Variants in MLC1 observed in about 807,000 individuals in gnomAD.
MLC1 encodes modulator of VRAC current 1, also known as membrane protein MLC1.
MLC1 carries 32 observed loss-of-function variants against 44.7 expected under a neutral mutation model. The ratio of observed to expected loss-of-function variants is 0.72; its 90% CI spans 0.54 to 0.96. The LOEUF (loss-of-function observed/expected upper bound fraction) is 0.96. Ranked by LOEUF, MLC1 falls within the 40% of genes least tolerant of loss-of-function variation. The pLI, the probability that MLC1 is intolerant of heterozygous loss-of-function variation, is 0.00. For missense variants in MLC1, 459 were observed against 492.2 expected, an observed-to-expected ratio of 0.93 and a Z score of 0.64; for synonymous variants, 190 against 213.0, an observed-to-expected ratio of 0.89 and a Z score of 0.94.
chr22:50,077,005 C>T (rs2061999976), intron 6 of MLC1, 93 bp from the exon 7 acceptor site: 5 of 1,385,544 alleles, frequency 3.6e-6, no homozygotes, highest in African/African-American at 1.4e-5. Flanking sequence ...TGGGTCAGGT[C>T]AGCCTGCCGT....
chr22:50,076,094 CAA>C (rs2061973773), intron 7 of MLC1, among the ~76,000 whole-genome samples: 2 of 152,024 alleles, frequency 1.3e-5, no homozygotes, highest in Non-Finnish European at 2.9e-5. Context: ...ATGGAAAACT[CAA>C]AAGATGGTAA....
In MLC1 at chr22:50,074,341, G is replaced by T; in HGVS notation, c.598-9C>A. 1.2e-6 allele frequency: 2 copies of T among 1,606,300 alleles called. No homozygotes were observed. The highest frequency in any genetic ancestry group is 2.2e-5 in the South Asian group (2 of 90,924). On this transcript the variant is annotated splice_polypyrimidine_tract_variant and intron_variant, in intron 7 of 11. Coordinates refer to ENST00000311597, the MANE Select transcript of MLC1 (RefSeq NM_015166.4). ...GCGATTACCTCGACGACCTGGAGGG[G>T]ACAGGACAGCATCGGCTCATAAGGA...
rs188855026 is a variant in MLC1 at position 50,059,894 on chromosome 22, A to C, written c.*1689T>G. On this transcript the variant is annotated 3_prime_UTR_variant, in exon 12 of 12. Coordinates refer to ENST00000311597, the MANE Select transcript of MLC1 (RefSeq NM_015166.4). The stretch of plus-strand genomic sequence containing the variant: ...CCTGCATCCCCCTTCAATGGTTGAA[A>C]ATAATGATTCCACTTGTCATGAACA... The C allele has an allele frequency of 3.7e-3, 559 of 152,442 alleles. 2 individuals are homozygous for C. The highest frequency in any genetic ancestry group is 0.012 in the African/African-American group (501 of 41,596). The allele number at this position is 152,442 out of a possible 1,614,324, so 9.4% of individuals were successfully genotyped here.
Position 50,061,331 on chromosome 22 carries a change from C to A in MLC1, c.*252G>T. 1 of 549,616 alleles carries A rather than the reference C, an allele frequency of 1.8e-6. No individual in the cohort carries two copies. Among genetic ancestry groups the A allele is most frequent in the Non-Finnish European group, 3.3e-6 (1 of 304,080 alleles). 34.0% of individuals were successfully genotyped at this position (549,616 alleles called of 1,614,324 possible). ...GGCCCTTCCTCGGCCTGGGAAGTTGCGGCCATGCTCCTGCTGTTACGACAC... is the reference window on the plus strand; with the variant it reads ...GGCCCTTCCTCGGCCTGGGAAGTTGAGGCCATGCTCCTGCTGTTACGACAC... On this transcript the variant is annotated 3_prime_UTR_variant, in exon 12 of 12. Transcript: ENST00000311597.
chr22:50,077,905 G>T (rs2062023468), intron 5 of MLC1, among the ~76,000 whole-genome samples: 1 of 152,098 alleles, frequency 6.6e-6, no homozygotes. Context: ...TGCAGGCCCT[G>T]ACCGTATTGG....
At chr22:50,063,898 C>G in intron 11 of MLC1, 136 bp downstream of exon 11, 1 of 1,011,656 alleles carries the variant, frequency 9.9e-7, no homozygotes, top group Non-Finnish European at 1.4e-6. Flanking sequence ...GGCCACTCAC[C>G]TCCCCGGCTG....
intron 8 of MLC1, among the ~76,000 whole-genome samples, chr22:50,071,153 G>A (rs1321219307): frequency 6.6e-6 from 1 of 151,112 alleles, no homozygotes; most frequent in Non-Finnish European, 1.5e-5. Context: ...CTGTCACCCA[G>A]GCTGGAGTAC....
chr22:50,076,795 C>T (rs1602034688), intron 7 of MLC1, 46 bp downstream of exon 7: 4 of 1,591,078 alleles, frequency 2.5e-6, no homozygotes, highest in Non-Finnish European at 3.5e-6. Context: ...CTCAGTCACC[C>T]CCGACAGAGT....
chr22:50,073,243 A>T (rs1222534592), intron 8 of MLC1, among the ~76,000 whole-genome samples: 1 of 152,250 alleles, frequency 6.6e-6, no homozygotes, highest in Non-Finnish European at 1.5e-5. Flanking sequence ...ATTCCTGCTC[A>T]TGTACATAAG....
chr22:50,075,726 A>T (rs1297300689), intron 7 of MLC1, among the ~76,000 whole-genome samples: 1 of 152,034 alleles, frequency 6.6e-6, no homozygotes, highest in East Asian at 1.9e-4. Flanking sequence ...AGGAAAAAAA[A>T]AAAAGAAGCA....
At position 50,073,726 on chromosome 22, in the gene MLC1, A is replaced by G. The variant is rs569187612; in HGVS notation, c.714+490T>C. 5.9e-5 allele frequency among the ~76,000 whole-genome samples: 9 copies of G among 152,026 alleles called. No individual in the cohort carries two copies. In the East Asian group the frequency reaches 1.7e-3, roughly 29 times the overall value. On this transcript the variant is annotated intron_variant, in intron 8 of 11. Coordinates refer to ENST00000311597, the MANE Select transcript of MLC1 (RefSeq NM_015166.4). The stretch of plus-strand genomic sequence containing the variant: ...ACTCCAGCCTGGGTGGCAGAGTGAG[A>G]CTCCATCTCAAAAAAATAAATAAAT...
chr22:50,064,258 A>C (rs2061656742), intron 10 of MLC1, 60 bp from the exon 11 acceptor site: 2 of 1,542,278 alleles, frequency 1.3e-6, no homozygotes, highest in Non-Finnish European at 1.7e-6. Flanking sequence ...CAGGAGACCA[A>C]AGCTCCCTCG....
intron 5 of MLC1, 61 bp downstream of exon 5, chr22:50,079,857 A>T (rs2062074299): frequency 8.4e-7 from 1 of 1,195,008 alleles, no homozygotes. Context: ...ATTTGCTGAC[A>T]CCATTCGTGG....
At chr22:50,065,500 T>A (rs2061683332) in intron 10 of MLC1, among the ~76,000 whole-genome samples, 1 of 152,182 alleles carries the variant, frequency 6.6e-6, no homozygotes, top group African/African-American at 2.4e-5. Flanking sequence ...ACCATTTGTA[T>A]CCTCCATCAC....
At position 50,066,224 on chromosome 22, in the gene MLC1, C is replaced by T. The variant is rs547955848; in HGVS notation, c.895-2026G>A. On this transcript the variant is annotated intron_variant, in intron 10 of 11. Coordinates refer to ENST00000311597, the MANE Select transcript of MLC1 (RefSeq NM_015166.4). ...TTAAAAAGCGAGGTACATGGCTGGG[C>T]ACAGTGGCTCACGTCTGTAATCCCA... is the stretch of plus-strand genomic sequence containing the variant. Among the ~76,000 whole-genome samples the T allele has an allele frequency of 2.5e-3, 366 of 146,244 alleles. 1 individual carries two copies. Among genetic ancestry groups the T allele is most frequent in the African/African-American group, 9.2e-3 (355 of 38,776 alleles).
chr22:50,080,221 C>T (rs1189712275), intron 4 of MLC1, 123 bp downstream of exon 4: 6 of 1,321,988 alleles, frequency 4.5e-6, no homozygotes, highest in South Asian at 3.8e-5. Flanking sequence ...GGGGCAACCT[C>T]GGGGGCCCCT....
At position 50,083,046 on chromosome 22, in the gene MLC1, G is replaced by A; in HGVS notation, c.267+38C>T. 1 of 1,589,100 alleles carries A rather than the reference G, an allele frequency of 6.3e-7. No individual in the cohort carries two copies. Among genetic ancestry groups the A allele is most frequent in the Non-Finnish European group, 8.6e-7 (1 of 1,157,508 alleles). ...AAGAAACCAGAGCACGTGCCGGCGAGCTTGGGCACTGGCAGAGGCGTGGAG... is the reference window on the plus strand; with the variant it reads ...AAGAAACCAGAGCACGTGCCGGCGAACTTGGGCACTGGCAGAGGCGTGGAG... On this transcript the variant is annotated intron_variant, in intron 3 of 11. Coordinates refer to ENST00000311597, the MANE Select transcript of MLC1 (RefSeq NM_015166.4). The surrounding 1 kb of genome is among the most constrained non-coding windows in gnomAD (Gnocchi z 4.6).
At chr22:50,079,171 C>G (rs1046000399) in intron 5 of MLC1, among the ~76,000 whole-genome samples, 5 of 152,022 alleles carry the variant, frequency 3.3e-5, no homozygotes, top group Admixed American at 3.3e-4. Context: ...GTAATCCCAG[C>G]TACTCCAGAG....
intron 6 of MLC1, 25 bp from the exon 7 acceptor site, chr22:50,076,937 C>A (rs775603927): frequency 3.5e-5 from 57 of 1,613,574 alleles, no homozygotes; most frequent in Non-Finnish European, 4.7e-5. Context: ...AACTGTCACC[C>A]CGGGTGCACG....
Sources: gnomAD v4.1 joint callset for allele counts (sites outside exome capture counted in the v4.1 genomes callset) on GRCh38, gnomAD v4.1.1 for gene constraint, Gnocchi (gnomAD v3.1) non-coding constraint, MANE v1.5 for transcripts, NCBI Gene and HGNC (gene_info 2026-07-23, HGNC 2026-07-21) for gene names.